Variants in LRP1B observed in about 807,000 individuals in gnomAD.
The protein encoded by LRP1B is LDL receptor related protein 1B.
A neutral mutation model predicts 556.6 loss-of-function variants in LRP1B; 217 were observed. The observed-to-expected ratio is 0.39, with a 90% CI of 0.35 to 0.44. LRP1B has a LOEUF of 0.44. Among genes scored for constraint, LRP1B ranks in the 20% least tolerant of loss-of-function variants. The probability of loss-of-function intolerance (pLI) is 1.00; values close to 1 mark genes in which losing one functional copy is unlikely to be tolerated. For missense variants in LRP1B, 5,053 were observed against 5,620.8 expected (o/e 0.90, Z 3.23); for synonymous variants, 2,047 against 1,865.8 (o/e 1.10, Z -2.50).
At chr2:141,901,333 CT>C (rs994464098) in intron 1 of LRP1B, among the ~76,000 whole-genome samples, 5 of 151,846 alleles carry the variant, frequency 3.3e-5, no homozygotes, top group African/African-American at 1.2e-4. Flanking sequence ...TATTTTCCCC[CT>C]ATGTTAGTGG....
intron 18 of LRP1B, among the ~76,000 whole-genome samples, chr2:140,968,090 G>A (rs1696289054): frequency 6.7e-6 from 1 of 149,174 alleles, no homozygotes; most frequent in Non-Finnish European, 1.5e-5. Flanking sequence ...GATTGGAATA[G>A]TTTCAGAAGG....
chr2:140,240,821 G>A (rs1392058086), intron 87 of LRP1B, among the ~76,000 whole-genome samples: 2 of 150,882 alleles, frequency 1.3e-5, no homozygotes, highest in Non-Finnish European at 3.0e-5. Context: ...ATGTGCATGT[G>A]AAAGTATCAA....
intron 1 of LRP1B, among the ~76,000 whole-genome samples, chr2:141,971,331 A>G (rs1292323479): frequency 6.6e-6 from 1 of 151,354 alleles, no homozygotes; most frequent in African/African-American, 2.4e-5. Context: ...ACAGAAGAAA[A>G]GTTTCTTATA....
rs1190905262 is a variant in LRP1B, at chr2:140,526,299, G to C, written c.7814C>G (p.Pro2605Arg). Reference sequence around the variant, plus strand: ...GTTCTGGTTGCATCGTGCTGATCTTGGAATACAAGTCCCATCTGCACAGCG... The same window carrying C: ...GTTCTGGTTGCATCGTGCTGATCTTCGAATACAAGTCCCATCTGCACAGCG... ...EFRCADGTCI[P>R]RSARCNQNID... is the part of the protein sequence containing the mutation. Residue 2605 changes from proline to arginine, a missense_variant, in exon 48 of 91, where the codon CCA (proline) becomes CGA (arginine). Pro to Arg is a moderately radical substitution (Grantham distance 103). Around this residue, in one of 5 missense-constraint regions of LRP1B, gnomAD observed 3,619 missense variants for 3,931.9 expected, o/e 0.92. Transcript: ENST00000389484. The C allele has an allele frequency of 1.9e-6, 3 of 1,611,834 alleles. No homozygotes were observed. The African/African-American group carries it at 4.0e-5, about 22-fold the overall frequency.
intron 41 of LRP1B, among the ~76,000 whole-genome samples, chr2:140,688,032 A>T (rs1326529606): frequency 1.3e-5 from 2 of 152,128 alleles, no homozygotes; most frequent in East Asian, 3.9e-4. Context: ...GTCTTTTATT[A>T]CTTCCTATGA....
intron 2 of LRP1B, 113 bp downstream of exon 2, chr2:141,810,166 A>AAAG: frequency 2.5e-6 from 1 of 404,486 alleles, no homozygotes; most frequent in Non-Finnish European, 3.3e-6. Context: ...AGAAAGAAAG[A>AAAG]AGGAAAGAAA....
intron 41 of LRP1B, among the ~76,000 whole-genome samples, chr2:140,603,382 C>T (rs953800175): frequency 1.3e-5 from 2 of 151,984 alleles, no homozygotes; most frequent in Non-Finnish European, 2.9e-5. Flanking sequence ...ATCACCTTTG[C>T]CAGTGTATTT....
chr2:141,690,390 T>A lies in LRP1B; in HGVS notation c.205+119889A>T, dbSNP rs1417095724. On this transcript the variant is annotated intron_variant, in intron 2 of 90. Coordinates refer to ENST00000389484, the MANE Select transcript of LRP1B (RefSeq NM_018557.3). ...CACCAAATCCAGAAAAGGGATTACATCTATAAATATATATATATATATATA... is the reference window on the plus strand; with the variant it reads ...CACCAAATCCAGAAAAGGGATTACAACTATAAATATATATATATATATATA... 6.8e-5 allele frequency among the ~76,000 whole-genome samples: 4 copies of A among 58,654 alleles called. No individual in the cohort carries two copies. In the Admixed American group the frequency reaches 8.3e-4, roughly 12 times the overall value. The allele number at this position is 58,654 out of a possible 152,430, so 38.5% of individuals were successfully genotyped here. A position where few individuals can be genotyped will look rare whatever the true frequency, so the allele number is the denominator to read the frequency against.
At chr2:141,467,106 A>ATATATATATATATATATATG (rs1682248051) in intron 3 of LRP1B, among the ~76,000 whole-genome samples, 1 of 31,080 alleles carries the variant, frequency 3.2e-5, no homozygotes, top group African/African-American at 1.4e-4. Flanking sequence ...ATATGTGTAT[A>ATATATATATATATATATATG]TATATATATA....
chr2:141,927,701 CA>C (rs1354771745), intron 1 of LRP1B, among the ~76,000 whole-genome samples: 1 of 151,980 alleles, frequency 6.6e-6, no homozygotes, highest in Non-Finnish European at 1.5e-5. Context: ...ATACATATGG[CA>C]GCCTGCTGAT....
intron 21 of LRP1B, among the ~76,000 whole-genome samples, chr2:140,918,603 G>A (rs899461547): frequency 1.3e-5 from 2 of 152,098 alleles, no homozygotes; most frequent in Non-Finnish European, 2.9e-5. Context: ...ATCAACTGAT[G>A]TCGAAAGAAT....
intron 27 of LRP1B, among the ~76,000 whole-genome samples, chr2:140,866,589 T>C (rs928836922): frequency 3.3e-5 from 5 of 151,890 alleles, no homozygotes; most frequent in Admixed American, 2.6e-4. Flanking sequence ...AAATAGAAAC[T>C]GAGAAATTGA....
At chr2:140,558,507 A>G (rs1175427875) in intron 43 of LRP1B, among the ~76,000 whole-genome samples, 1 of 152,148 alleles carries the variant, frequency 6.6e-6, no homozygotes, top group Non-Finnish European at 1.5e-5. Context: ...AGGACCACAT[A>G]TTATATGATT....
chr2:140,593,190 C>T (rs947970571), intron 43 of LRP1B, among the ~76,000 whole-genome samples: 1 of 152,028 alleles, frequency 6.6e-6, no homozygotes, highest in African/African-American at 2.4e-5. Flanking sequence ...AGATTTCTTC[C>T]TGGGAATATA....
intron 1 of LRP1B, among the ~76,000 whole-genome samples, chr2:141,831,056 T>A (rs1697097604): frequency 6.6e-6 from 1 of 151,758 alleles, no homozygotes; most frequent in Admixed American, 6.6e-5. Flanking sequence ...TTTACTAGAT[T>A]AGCTTTATTT....
chr2:141,358,964 A>G (rs754580132), intron 3 of LRP1B, among the ~76,000 whole-genome samples: 70 of 152,282 alleles, frequency 4.6e-4, no homozygotes, highest in Non-Finnish European at 8.5e-4. Flanking sequence ...CAAATTGTAT[A>G]CAAGATAATT....
intron 57 of LRP1B, among the ~76,000 whole-genome samples, chr2:140,490,632 T>C (rs1688658848): frequency 6.6e-6 from 1 of 152,136 alleles, no homozygotes; most frequent in Non-Finnish European, 1.5e-5. Context: ...ACAGACTCTC[T>C]GGACAAAGAT....
chr2:141,854,435 G>A (rs1430469104), intron 1 of LRP1B, among the ~76,000 whole-genome samples: 14 of 151,876 alleles, frequency 9.2e-5, no homozygotes, highest in Non-Finnish European at 8.8e-5. Context: ...TCAATAAACG[G>A]CATTGCAAAG....
rs1331215494 is a variant in LRP1B at position 142,130,843 on chromosome 2, A to G, written c.-114T>C. The stretch of plus-strand genomic sequence containing the variant: ...AGCCTGGAATCGAGCGGCGTCATTT[A>G]CAAATGTCACTGGAAATTCTTCAGC... On this transcript the variant is annotated 5_prime_UTR_variant, in exon 1 of 91. Transcript: ENST00000389484. The G allele has an allele frequency of 2.5e-6, 2 of 796,806 alleles. No homozygotes were observed. 49.4% of individuals were successfully genotyped at this position (796,806 alleles called of 1,614,324 possible).
Sources: allele counts gnomAD v4.1 joint callset (sites outside exome capture counted in the v4.1 genomes callset), GRCh38; gene constraint gnomAD v4.1.1; regional missense constraint gnomAD v4.1.1; transcripts MANE v1.5; gene names NCBI Gene and HGNC (gene_info 2026-07-23, HGNC 2026-07-21).